GANC: variants seen among roughly 807,000 people sequenced by gnomAD.
The protein encoded by GANC is neutral alpha-glucosidase C.
GANC carries 117 observed loss-of-function variants against 124.2 expected under a neutral mutation model. The observed-to-expected ratio is 0.94, with a 90% CI of 0.81 to 1.10. The LOEUF (loss-of-function observed/expected upper bound fraction) is 1.10. Among genes scored for constraint, GANC ranks in the 50% least tolerant of loss-of-function variants. GANC has a pLI of 0.00. For missense variants in GANC, 1,140 were observed against 1,095.0 expected, an observed-to-expected ratio of 1.04 and a Z score of -0.58; for synonymous variants, 377 against 376.8, an observed-to-expected ratio of 1.00 and a Z score of -0.01.
chr15:42,341,203 T>C (rs191319192), intron 18 of GANC, among the ~76,000 whole-genome samples: 1 of 152,236 alleles, frequency 6.6e-6, no homozygotes, highest in African/African-American at 2.4e-5. Context: ...TTCACCAAGA[T>C]TTCTAATGCA....
At position 42,278,490 on chromosome 15, in the gene GANC, A is replaced by G. The variant is rs2051698286; in HGVS notation, c.101A>G (p.Lys34Arg). The G allele has an allele frequency of 3.7e-6, 6 of 1,608,940 alleles. No homozygotes were observed. Among genetic ancestry groups the G allele is most frequent in the Non-Finnish European group, 4.2e-6 (5 of 1,176,728 alleles). ...ATACTCCGTATCTATAGGCGTCAGA[A>G]ACAGTGGCTTTCCAAGAAGTCCACC... Reference protein sequence around the residue: ...CNKIAFYRRQKQWLSKKSTYQ... With the variant: ...CNKIAFYRRQRQWLSKKSTYQ... Residue 34 changes from lysine to arginine, a missense_variant, in exon 3 of 24, where the codon AAA (lysine) becomes AGA (arginine). Transcript: ENST00000318010.
rs746145160 is a variant in GANC, at chr15:42,326,281, C to T, written c.1294-17C>T. The stretch of plus-strand genomic sequence containing the variant: ...ACATAAAACTGATGAGACCTCCAAA[C>T]CTTCATGTCCTGACAGCTTGTGGTC... On this transcript the variant is annotated splice_polypyrimidine_tract_variant and intron_variant, in intron 11 of 23. Coordinates refer to ENST00000318010, the MANE Select transcript of GANC (RefSeq NM_198141.3). 6.4e-7 allele frequency: 1 copy of T among 1,569,128 alleles called. No individual in the cohort carries two copies. Among genetic ancestry groups the T allele is most frequent in the Non-Finnish European group, 8.8e-7 (1 of 1,140,618 alleles).
intron 11 of GANC, 45 bp from the exon 12 acceptor site, chr15:42,326,253 C>T: frequency 6.5e-6 from 9 of 1,375,640 alleles, no homozygotes; most frequent in Non-Finnish European, 9.3e-6. Flanking sequence ...GAACATTTGT[C>T]TTACATAAAA....
Position 42,306,400 on chromosome 15 carries a change from G to A in GANC, c.559-146G>A, listed in dbSNP as rs565819552. 13 of 621,740 alleles carry A rather than the reference G, an allele frequency of 2.1e-5. No homozygotes were observed. In the East Asian group the frequency reaches 3.3e-4, roughly 16 times the overall value. The allele number at this position is 621,740 out of a possible 1,614,324, so 38.5% of individuals were successfully genotyped here. On this transcript the variant is annotated intron_variant, in intron 6 of 23. Coordinates refer to ENST00000318010, the MANE Select transcript of GANC (RefSeq NM_198141.3). ...TAGAACACAGATTTGATTTGTTAAA[G>A]GTACTGACGTCACACACTGGTCTTC... is the stretch of plus-strand genomic sequence containing the variant.
At chr15:42,286,202 A>G (rs2051786472) in intron 3 of GANC, among the ~76,000 whole-genome samples, 1 of 152,134 alleles carries the variant, frequency 6.6e-6, no homozygotes, top group Non-Finnish European at 1.5e-5. Context: ...CTATTCCTCT[A>G]GAGAAATGTC....
intron 10 of GANC, among the ~76,000 whole-genome samples, chr15:42,316,270 C>T (rs950154609): frequency 5.9e-5 from 9 of 152,148 alleles, no homozygotes; most frequent in Admixed American, 3.3e-4. Context: ...AGACACAAGA[C>T]AAAGAGATAA....
intron 3 of GANC, chr15:42,280,926 C>G (rs946072704): frequency 7.1e-6 from 5 of 702,120 alleles, no homozygotes; most frequent in Non-Finnish European, 1.3e-5. Flanking sequence ...GGTCAGGTGC[C>G]AGGACCAGAG....
chr15:42,292,844 G>T lies in GANC; in HGVS notation c.439G>T (p.Glu147Ter), dbSNP rs1399547368. 1 of 1,614,118 alleles carries T rather than the reference G, an allele frequency of 6.2e-7. No individual in the cohort carries two copies. Among genetic ancestry groups the T allele is most frequent in the Non-Finnish European group, 8.5e-7 (1 of 1,179,990 alleles). Residue 147 changes from glutamate to a stop codon, truncating the protein, a stop_gained, in exon 5 of 24, where the codon GAA (glutamate) becomes TAA (stop). Transcript: ENST00000318010. LOFTEE classifies it high-confidence loss of function. ...ATTCAAGGTAGACTTGGTGTCTGAA[G>T]AAGAGGTTGTGATTAGCATAAATTC... ...NPFKVDLVSE[E>*]EVVISINSLG...
At chr15:42,311,850 G>T (rs199850942) in intron 10 of GANC, among the ~76,000 whole-genome samples, 1 of 150,340 alleles carries the variant, frequency 6.7e-6, no homozygotes, top group Admixed American at 6.6e-5. Context: ...AATCAATAAC[G>T]AAAAAAAAAA....
At chr15:42,308,183 T>C (rs772185652) in intron 7 of GANC, 39 bp from the exon 8 acceptor site, 1 of 1,329,304 alleles carries the variant, frequency 7.5e-7, no homozygotes, top group Non-Finnish European at 1.1e-6. Context: ...AAGTGAGTGT[T>C]CTTTTCAGAA....
At chr15:42,296,922 T>C (rs933996261) in intron 5 of GANC, among the ~76,000 whole-genome samples, 1 of 151,606 alleles carries the variant, frequency 6.6e-6, no homozygotes, top group African/African-American at 2.4e-5. Flanking sequence ...GCCTACATCA[T>C]TCATGCTCTT....
At position 42,339,688 on chromosome 15, in the gene GANC, T is replaced by G; in HGVS notation, c.1863T>G (p.Ile621Met). 6.2e-7 allele frequency: 1 copy of G among 1,613,770 alleles called. No homozygotes were observed. Among genetic ancestry groups the G allele is most frequent in the African/African-American group, 1.3e-5 (1 of 75,026 alleles). Residue 621 changes from isoleucine (I) to methionine (M), a missense_variant, in exon 17 of 24, where the codon ATT becomes ATG. Physicochemically the swap from Ile to Met is conservative, Grantham distance 10. Coordinates refer to ENST00000318010, the MANE Select transcript of GANC (RefSeq NM_198141.3). ...TTCCAGCTGACATAGGCGGGTTCAT[T>G]GGGAATCCAGAGACAGAGCTGCTAG... is the stretch of plus-strand genomic sequence containing the variant. ...SFCGADIGGF[I>M]GNPETELLVR... is the part of the protein sequence containing the mutation.
intron 3 of GANC, among the ~76,000 whole-genome samples, chr15:42,283,004 A>G (rs2051749332): frequency 6.6e-6 from 1 of 152,182 alleles, no homozygotes; most frequent in Non-Finnish European, 1.5e-5. Context: ...CAACCTCGTT[A>G]CCTCATCTAA....
intron 5 of GANC, among the ~76,000 whole-genome samples, chr15:42,294,333 G>A (rs2051870758): frequency 6.6e-6 from 1 of 151,130 alleles, no homozygotes. Context: ...CAGCACTTTG[G>A]GAGGCCGAGG....
intron 8 of GANC, among the ~76,000 whole-genome samples, chr15:42,309,070 C>G (rs2052025615): frequency 6.6e-6 from 1 of 152,134 alleles, no homozygotes; most frequent in African/African-American, 2.4e-5. Context: ...TTAGTTTCCT[C>G]AGGGATATCA....
intron 19 of GANC, among the ~76,000 whole-genome samples, chr15:42,345,075 A>C (rs755544112): frequency 5.9e-5 from 9 of 152,176 alleles, no homozygotes; most frequent in South Asian, 2.1e-4. Context: ...GAAGAAAGAA[A>C]AAGATGTTTG....
At chr15:42,346,891 AATAG>A (rs1363115291) in intron 20 of GANC, among the ~76,000 whole-genome samples, 1 of 152,202 alleles carries the variant, frequency 6.6e-6, no homozygotes, top group Non-Finnish European at 1.5e-5. Flanking sequence ...TGTGAAGATT[AATAG>A]ATACTGATAT....
intron 2 of GANC, 97 bp from the exon 3 acceptor site, chr15:42,278,385 C>T (rs2051697022): frequency 1.3e-6 from 1 of 770,752 alleles, no homozygotes; most frequent in Non-Finnish European, 2.1e-6. Context: ...CACTGAATAT[C>T]ATAGTGAATT....
intron 7 of GANC, 57 bp downstream of exon 7, chr15:42,306,669 T>G: frequency 8.0e-7 from 1 of 1,249,988 alleles, no homozygotes; most frequent in South Asian, 1.4e-5. Context: ...GTCTACATAA[T>G]TCTATCAAAA....
Sources: allele counts gnomAD v4.1 joint callset (sites outside exome capture counted in the v4.1 genomes callset), GRCh38; gene constraint gnomAD v4.1.1; transcripts MANE v1.5; gene names NCBI Gene and HGNC (gene_info 2026-07-23, HGNC 2026-07-21).